Variants in HDAC9 observed in about 807,000 individuals in gnomAD.
HDAC9 encodes MEF-2 interacting transcription repressor (MITR) protein.
In HDAC9, 41 loss-of-function variants were observed where a neutral mutation model predicts 139.4. That is an observed-to-expected ratio of 0.29 (90% CI 0.23 to 0.38). HDAC9 has a LOEUF of 0.38. Among genes scored for constraint, HDAC9 ranks in the 10% least tolerant of loss-of-function variants. The probability of loss-of-function intolerance (pLI) is 1.00; values close to 1 mark genes in which losing one functional copy is unlikely to be tolerated. For missense variants in HDAC9, 1,147 were observed against 1,297.0 expected, an observed-to-expected ratio of 0.88 and a Z score of 1.78; for synonymous variants, 517 against 476.2, an observed-to-expected ratio of 1.09 and a Z score of -1.12.
intron 2 of HDAC9, among the ~76,000 whole-genome samples, chr7:18,556,759 G>C (rs1818951558): frequency 6.6e-6 from 1 of 151,984 alleles, no homozygotes; most frequent in African/African-American, 2.4e-5. Context: ...TCATGTGTCT[G>C]TTAAATTGTT....
chr7:18,396,995 T>G (rs1352607322), intron 1 of HDAC9, among the ~76,000 whole-genome samples: 2 of 152,048 alleles, frequency 1.3e-5, no homozygotes, highest in African/African-American at 2.4e-5. Context: ...CAGAATTCAG[T>G]CTTCTGAGTG....
rs78510579 is a variant in HDAC9, at chr7:18,455,236, C to G, written c.-41-41026C>G. Among the ~76,000 whole-genome samples, 344 of 151,912 alleles carry G rather than the reference C, an allele frequency of 2.3e-3. 1 individual carries two copies. Among genetic ancestry groups the G allele is most frequent in the Non-Finnish European group, 3.9e-3 (268 of 67,910 alleles). ...CATGTAAATAAAGATAAAATTAGTT[C>G]TGTTTTTTCAGTTTAAGTTCAAGTT... On this transcript the variant is annotated intron_variant, in intron 1 of 3. Transcript: ENST00000413509.
chr7:18,303,344 C>A (rs1257638412), intron 1 of HDAC9, among the ~76,000 whole-genome samples: 2 of 149,700 alleles, frequency 1.3e-5, no homozygotes, highest in Non-Finnish European at 3.0e-5. Flanking sequence ...GTGGCTGGGA[C>A]TACAGGCACC....
chr7:18,612,407 T>TA (rs533545597), intron 6 of HDAC9, among the ~76,000 whole-genome samples: 229 of 152,188 alleles, frequency 1.5e-3, no homozygotes, highest in African/African-American at 4.7e-3. Flanking sequence ...TTAATATACT[T>TA]ACTTATTGTT....
At chr7:18,120,919 G>T (rs964787978) in intron 1 of HDAC9, among the ~76,000 whole-genome samples, 1 of 152,172 alleles carries the variant, frequency 6.6e-6, no homozygotes, top group South Asian at 2.1e-4. Context: ...AAGGATGAGA[G>T]TTTACTTCCA....
At chr7:18,103,650 A>G (rs1782997262) in intron 1 of HDAC9, among the ~76,000 whole-genome samples, 1 of 152,184 alleles carries the variant, frequency 6.6e-6, no homozygotes, top group South Asian at 2.1e-4. Context: ...GTCCTCACTT[A>G]TCGTTATGGA....
At chr7:18,252,652 T>A (rs1794988275) in intron 2 of HDAC9, among the ~76,000 whole-genome samples, 1 of 152,128 alleles carries the variant, frequency 6.6e-6, no homozygotes, top group African/African-American at 2.4e-5. Context: ...AGCACATTCA[T>A]AAAAGCACTT....
At chr7:18,872,915 T>G (rs760267545) in intron 21 of HDAC9, among the ~76,000 whole-genome samples, 2 of 152,126 alleles carry the variant, frequency 1.3e-5, no homozygotes, top group African/African-American at 2.4e-5. Flanking sequence ...GGTTCAATCA[T>G]CTACTTACTG....
chr7:18,453,349 G>A (rs570397678), intron 1 of HDAC9, among the ~76,000 whole-genome samples: 1 of 152,202 alleles, frequency 6.6e-6, no homozygotes, highest in South Asian at 2.1e-4. Context: ...TTTAATTCTG[G>A]AGCTAAAATC....
chr7:18,770,622 G>A lies in HDAC9; in HGVS notation c.2214+3467G>A, dbSNP rs548224778. Among the ~76,000 whole-genome samples the A allele has an allele frequency of 6.6e-5, 10 of 152,236 alleles. No homozygotes were observed. The East Asian group carries it at 1.9e-3, about 29-fold the overall frequency. ...GCTCCCAGCTTCAAACGCTTCTGCG[G>A]CTTTTGAGTTGTCATTTATAACTTG... On this transcript the variant is annotated intron_variant, in intron 16 of 25. Transcript: ENST00000686413.
At chr7:18,424,838 G>T (rs894463988) in intron 1 of HDAC9, among the ~76,000 whole-genome samples, 1 of 152,298 alleles carries the variant, frequency 6.6e-6, no homozygotes, top group African/African-American at 2.4e-5. Context: ...AGACAGTGGA[G>T]TTTGCAGTGA....
chr7:18,176,085 C>T (rs1212751493), intron 2 of HDAC9, among the ~76,000 whole-genome samples: 1 of 152,124 alleles, frequency 6.6e-6, no homozygotes, highest in Non-Finnish European at 1.5e-5. Context: ...ATCTTTAACT[C>T]TCAGAAGAAA....
In HDAC9 at chr7:18,798,530, C is replaced by CCT. The variant is rs555430393; in HGVS notation, c.2322+5081_2322+5082dup. On this transcript the variant is annotated intron_variant, in intron 17 of 25. Transcript: ENST00000686413. ...TTAGCATAAACTAGTAACTTGCCAA[C>CCT]CTCTGATGGGGAGATAAGGGAGTGG... Among the ~76,000 whole-genome samples the CCT allele has an allele frequency of 3.9e-5, 6 of 152,234 alleles. No homozygotes were observed. In the South Asian group the frequency reaches 1.2e-3, roughly 32 times the overall value.
At chr7:18,735,982 TTC>T (rs1325913943) in intron 13 of HDAC9, among the ~76,000 whole-genome samples, 1 of 152,210 alleles carries the variant, frequency 6.6e-6, no homozygotes, top group Non-Finnish European at 1.5e-5. Context: ...AGGTATTTTA[TTC>T]TCTTTGTAGT....
At chr7:18,648,748 G>C in intron 11 of HDAC9, 65 bp downstream of exon 11, 1 of 1,319,200 alleles carries the variant, frequency 7.6e-7, no homozygotes, top group Non-Finnish European at 1.1e-6. Context: ...TCTCTTCACT[G>C]ATATGGGTGT....
chr7:18,332,395 G>A (rs1463022828), intron 1 of HDAC9, among the ~76,000 whole-genome samples: 1 of 120,872 alleles, frequency 8.3e-6, no homozygotes, highest in South Asian at 2.4e-4. Context: ...GTGTGTGTGA[G>A]AGAGAGAGAG....
intron 2 of HDAC9, among the ~76,000 whole-genome samples, chr7:18,278,691 T>G (rs2128218647): frequency 6.6e-6 from 1 of 152,288 alleles, no homozygotes; most frequent in East Asian, 1.9e-4. Flanking sequence ...TTTTTTTTGT[T>G]TTAAATTGAC....
At chr7:18,093,335 C>G (rs1257268362) in intron 1 of HDAC9, among the ~76,000 whole-genome samples, 1 of 152,150 alleles carries the variant, frequency 6.6e-6, no homozygotes, top group Non-Finnish European at 1.5e-5. Flanking sequence ...ACATCCCATA[C>G]TCACAAGCAG....
chr7:18,089,764 A>G (rs1782024917), intron 1 of HDAC9, among the ~76,000 whole-genome samples: 1 of 152,186 alleles, frequency 6.6e-6, no homozygotes. Flanking sequence ...AGATGTGGAG[A>G]AATAGCTAAC....
Sources: gnomAD v4.1 joint callset for allele counts (sites outside exome capture counted in the v4.1 genomes callset) on GRCh38, gnomAD v4.1.1 for gene constraint, MANE v1.5 for transcripts, NCBI Gene and HGNC (gene_info 2026-07-23, HGNC 2026-07-21) for gene names.